Variants in ANKRD30B observed in about 807,000 individuals in gnomAD.
ANKRD30B encodes the protein ankyrin repeat domain-containing protein 30B.
In ANKRD30B, 144 loss-of-function variants were observed where a neutral mutation model predicts 202.2. That is an observed-to-expected ratio of 0.71 (90% CI 0.62 to 0.82). The LOEUF (loss-of-function observed/expected upper bound fraction) is 0.82, where lower values mean the gene tolerates loss of function less well. ANKRD30B is among the 40% of genes least tolerant of loss of function. The probability of loss-of-function intolerance (pLI) is 0.00; values close to 1 mark genes in which losing one functional copy is unlikely to be tolerated. For missense variants in ANKRD30B, 1,487 were observed against 1,669.1 expected (o/e 0.89, Z 1.90); for synonymous variants, 508 against 561.3 (o/e 0.91, Z 1.34).
rs1968131996 is a variant in ANKRD30B at position 14,787,065 on chromosome 18, CA to C, written c.1703del (p.Lys568ArgfsTer36). On this transcript the variant is annotated frameshift_variant, in exon 15 of 44. Transcript: ENST00000690538. LOFTEE classifies it high-confidence loss of function. The stretch of plus-strand genomic sequence containing the variant: ...TCAGATGTTCCCATCAGAATCCAAA[CA>C]AAAGGACGATGAAGAAAATTCTTGG... ...AAQMFPSESK[Q>X]KDDEENSWDS... The C allele has an allele frequency of 6.2e-7, 1 of 1,609,422 alleles. No individual in the cohort carries two copies. Among genetic ancestry groups the C allele is most frequent in the South Asian group, 1.1e-5 (1 of 90,758 alleles).
the ANKRD30B span, among the ~76,000 whole-genome samples, chr18:14,863,546 A>AT: frequency 1.3e-5 from 2 of 151,950 alleles, no homozygotes; most frequent in Non-Finnish European, 1.5e-5. Context: ...CCAAATAAAT[A>AT]TTTTTTCTCT....
chr18:14,903,372 G>A, the ANKRD30B span, among the ~76,000 whole-genome samples: 8 of 152,264 alleles, frequency 5.3e-5, no homozygotes, highest in Non-Finnish European at 1.2e-4. Flanking sequence ...AGAGGAGATG[G>A]GAATGTAGGT....
chr18:14,906,555 A>G, the ANKRD30B span, among the ~76,000 whole-genome samples: 4 of 152,198 alleles, frequency 2.6e-5, no homozygotes, highest in Non-Finnish European at 5.9e-5. Flanking sequence ...AACTAAATGT[A>G]TGGTTTTATC....
At chr18:14,897,613 GT>G in the ANKRD30B span, among the ~76,000 whole-genome samples, 1 of 151,342 alleles carries the variant, frequency 6.6e-6, no homozygotes, top group African/African-American at 2.4e-5. Context: ...TATTTTTTTG[GT>G]TAAATATCTG....
chr18:14,921,302 T>C, the ANKRD30B span, among the ~76,000 whole-genome samples: 7 of 149,486 alleles, frequency 4.7e-5, 1 homozygote, highest in East Asian at 1.4e-3. Flanking sequence ...CTGCCTGTTG[T>C]GGTGCAACCA....
At chr18:14,825,527 C>T (rs956912022) in intron 32 of ANKRD30B, among the ~76,000 whole-genome samples, 6 of 151,746 alleles carry the variant, frequency 4.0e-5, no homozygotes, top group Non-Finnish European at 8.8e-5. Context: ...AGATAAACTC[C>T]TCCACATTCC....
At chr18:14,921,405 G>A in the ANKRD30B span, among the ~76,000 whole-genome samples, 528 of 150,856 alleles carry the variant, frequency 3.5e-3, 4 homozygotes, top group African/African-American at 0.012. Context: ...CAAATGAGGC[G>A]CGTGTTTAGA....
At chr18:14,930,254 C>T in the ANKRD30B span, among the ~76,000 whole-genome samples, 1 of 151,986 alleles carries the variant, frequency 6.6e-6, no homozygotes, top group Non-Finnish European at 1.5e-5. Flanking sequence ...AGGATGGTGA[C>T]CTGGGCCTGG....
intron 30 of ANKRD30B, among the ~76,000 whole-genome samples, chr18:14,821,369 T>G (rs1479400163): frequency 1.3e-5 from 2 of 152,192 alleles, no homozygotes. Context: ...TTCCTTCAGT[T>G]CTGCTCTGAT....
chr18:14,781,498 C>T (rs1226445913), intron 11 of ANKRD30B, among the ~76,000 whole-genome samples: 3 of 36,698 alleles, frequency 8.2e-5, no homozygotes, highest in Admixed American at 2.6e-4. Context: ...GGGATTTCAC[C>T]GTGTTAGCCA....
chr18:14,939,899 G>C, the ANKRD30B span, among the ~76,000 whole-genome samples: 1 of 152,242 alleles, frequency 6.6e-6, no homozygotes, highest in African/African-American at 2.4e-5. Flanking sequence ...GGACTGTGCA[G>C]TGTTAATTCT....
chr18:14,865,603 C>A, the ANKRD30B span, among the ~76,000 whole-genome samples: 1 of 151,526 alleles, frequency 6.6e-6, no homozygotes, highest in Non-Finnish European at 1.5e-5. Context: ...TTTTCCCCCT[C>A]CATCTACCCC....
chr18:14,887,810 C>T, the ANKRD30B span, among the ~76,000 whole-genome samples: 18 of 150,582 alleles, frequency 1.2e-4, no homozygotes, highest in East Asian at 1.9e-4. Flanking sequence ...ATGCTGTAAC[C>T]GTAGGAAAAA....
chr18:14,831,293 T>A, intron 33 of ANKRD30B, 90 bp from the exon 34 acceptor site: 1 of 835,816 alleles, frequency 1.2e-6, no homozygotes, highest in Non-Finnish European at 1.9e-6. Flanking sequence ...TTTGTTCTCA[T>A]TTTTTGGAGT....
intron 15 of ANKRD30B, 27 bp from the exon 16 acceptor site, chr18:14,791,374 A>G: frequency 1.9e-6 from 3 of 1,550,796 alleles, no homozygotes; most frequent in Non-Finnish European, 2.6e-6. Flanking sequence ...TTTCATTGAA[A>G]TTATTTATTG....
At chr18:14,869,860 G>T in the ANKRD30B span, among the ~76,000 whole-genome samples, 2 of 151,828 alleles carry the variant, frequency 1.3e-5, no homozygotes, top group African/African-American at 4.8e-5. Context: ...CTAGAGGTGG[G>T]GTCTCACTCT....
At chr18:14,914,199 T>C in the ANKRD30B span, among the ~76,000 whole-genome samples, 1 of 152,242 alleles carries the variant, frequency 6.6e-6, no homozygotes, top group African/African-American at 2.4e-5. Flanking sequence ...TGATAATCTT[T>C]CTCTGTTCCT....
chr18:14,811,386 T>C (rs1354478786), intron 28 of ANKRD30B, among the ~76,000 whole-genome samples: 1 of 150,872 alleles, frequency 6.6e-6, no homozygotes, highest in African/African-American at 2.4e-5. Context: ...TCATTCTTTG[T>C]ATTTTTAGTA....
the ANKRD30B span, chr18:14,889,988 C>G: frequency 3.1e-6 from 3 of 970,948 alleles, no homozygotes; most frequent in Non-Finnish European, 3.2e-6. Context: ...TTATCAATAC[C>G]TTTGCGTAGA....
Sources: gnomAD v4.1 joint callset for allele counts (sites outside exome capture counted in the v4.1 genomes callset) on GRCh38, gnomAD v4.1.1 for gene constraint, MANE v1.5 for transcripts, NCBI Gene and HGNC (gene_info 2026-07-23, HGNC 2026-07-21) for gene names.